Variants in PCDH15 observed in about 807,000 individuals in gnomAD.
PCDH15 encodes protocadherin related 15.
A neutral mutation model predicts 178.5 loss-of-function variants in PCDH15; 129 were observed. The observed-to-expected ratio is 0.72, with a 90% CI of 0.63 to 0.84. PCDH15 has a LOEUF of 0.84. Among genes scored for constraint, PCDH15 ranks in the 40% least tolerant of loss-of-function variants. The pLI, the probability that PCDH15 is intolerant of heterozygous loss-of-function variation, is 0.00. For missense variants in PCDH15, 2,230 were observed against 2,099.9 expected, an observed-to-expected ratio of 1.06 and a Z score of -1.21; for synonymous variants, 800 against 732.0, an observed-to-expected ratio of 1.09 and a Z score of -1.50.
At chr10:55,370,705 A>C (rs1845486126) in intron 2 of PCDH15, among the ~76,000 whole-genome samples, 1 of 152,112 alleles carries the variant, frequency 6.6e-6, no homozygotes, top group Admixed American at 6.6e-5. Context: ...TCTTTAAAGT[A>C]AATCAGAAGT....
intron 2 of PCDH15, among the ~76,000 whole-genome samples, chr10:55,398,917 A>G (rs1382242897): frequency 6.6e-6 from 1 of 152,184 alleles, no homozygotes; most frequent in Non-Finnish European, 1.5e-5. Flanking sequence ...AAAAAGAGAA[A>G]GAACGCTCAC....
rs748350736 is a variant in PCDH15, at chr10:54,346,345, G to A, written c.594+20C>T. ...TTATTCCTTTTAAGAAAATTACATTGCAAATAGGTATTTACATACCGGATC... is the reference window on the plus strand; with the variant it reads ...TTATTCCTTTTAAGAAAATTACATTACAAATAGGTATTTACATACCGGATC... On this transcript the variant is annotated intron_variant, in intron 6 of 37. Transcript: ENST00000644397. 2.5e-6 allele frequency: 4 copies of A among 1,608,876 alleles called. No homozygotes were observed. The East Asian group carries it at 8.9e-5, about 36-fold the overall frequency.
intron 1 of PCDH15, among the ~76,000 whole-genome samples, chr10:54,790,167 A>T (rs1279650831): frequency 1.3e-5 from 2 of 151,796 alleles, no homozygotes; most frequent in African/African-American, 2.4e-5. Context: ...CCAGACTTTT[A>T]AGTCAAAGAA....
At chr10:54,305,206 C>A (rs2060389617) in intron 8 of PCDH15, among the ~76,000 whole-genome samples, 1 of 151,924 alleles carries the variant, frequency 6.6e-6, no homozygotes, top group South Asian at 2.1e-4. Context: ...ATTAGCATGT[C>A]CTTCATTATT....
intron 2 of PCDH15, among the ~76,000 whole-genome samples, chr10:55,467,654 G>A (rs1387225731): frequency 6.6e-6 from 1 of 151,900 alleles, no homozygotes; most frequent in Non-Finnish European, 1.5e-5. Flanking sequence ...CAGAAAAAGA[G>A]CAACAAGTTT....
At chr10:55,289,232 A>G (rs1842949295) in intron 1 of PCDH15, among the ~76,000 whole-genome samples, 1 of 152,100 alleles carries the variant, frequency 6.6e-6, no homozygotes, top group Non-Finnish European at 1.5e-5. Context: ...TTGTTTTAAC[A>G]AAACCAGGAA....
intron 26 of PCDH15, among the ~76,000 whole-genome samples, chr10:53,900,098 C>T (rs911846927): frequency 6.6e-6 from 1 of 152,136 alleles, no homozygotes; most frequent in African/African-American, 2.4e-5. Context: ...CATTCACCAA[C>T]TGAAATGTTT....
intron 2 of PCDH15, among the ~76,000 whole-genome samples, chr10:54,955,090 T>G (rs1411642746): frequency 6.6e-6 from 1 of 151,176 alleles, no homozygotes; most frequent in African/African-American, 2.4e-5. Flanking sequence ...AGTGAATTGT[T>G]TTTTGCATTA....
chr10:55,535,233 A>C (rs1159580196), intron 2 of PCDH15, among the ~76,000 whole-genome samples: 9 of 152,130 alleles, frequency 5.9e-5, no homozygotes, highest in Non-Finnish European at 5.9e-5. Flanking sequence ...AAGAAAATAC[A>C]CATGTGAAAT....
intron 14 of PCDH15, among the ~76,000 whole-genome samples, chr10:54,143,545 AAT>A (rs1457694054): frequency 2.6e-5 from 4 of 152,284 alleles, no homozygotes; most frequent in African/African-American, 9.6e-5. Context: ...CCAGGGCACT[AAT>A]TGAAAGGCTG....
At chr10:55,172,998 C>G (rs940536893) in intron 1 of PCDH15, among the ~76,000 whole-genome samples, 2 of 151,848 alleles carry the variant, frequency 1.3e-5, no homozygotes, top group Non-Finnish European at 2.9e-5. Context: ...AATCATATTG[C>G]AAAGATGAAT....
intron 1 of PCDH15, among the ~76,000 whole-genome samples, chr10:55,292,055 C>A (rs1035909027): frequency 1.3e-5 from 2 of 152,096 alleles, no homozygotes; most frequent in South Asian, 2.1e-4. Flanking sequence ...ATTATTCCCC[C>A]CTAGCCCCTT....
chr10:54,010,772 T>C (rs2092554824), intron 20 of PCDH15, among the ~76,000 whole-genome samples: 1 of 152,116 alleles, frequency 6.6e-6, no homozygotes, highest in Non-Finnish European at 1.5e-5. Context: ...AAGCCCAGTG[T>C]CTGTTTCCCG....
At chr10:55,328,111 T>A (rs556973086) in intron 2 of PCDH15, among the ~76,000 whole-genome samples, 1 of 152,126 alleles carries the variant, frequency 6.6e-6, no homozygotes, top group African/African-American at 2.4e-5. Flanking sequence ...GATATAACCA[T>A]CTTTCCCTTA....
At chr10:55,506,138 T>TG (rs1379361682) in intron 2 of PCDH15, 2 of 151,218 alleles carry the variant, frequency 1.3e-5, no homozygotes, top group African/African-American at 4.8e-5. Flanking sequence ...AGGTAGAAAA[T>TG]GAGTGTGGGG....
At chr10:54,252,572 C>G (rs141671166) in intron 8 of PCDH15, among the ~76,000 whole-genome samples, 2 of 152,080 alleles carry the variant, frequency 1.3e-5, no homozygotes, top group Non-Finnish European at 2.9e-5. Context: ...TATAGCAGTC[C>G]AGTCCAGAGG....
At chr10:53,820,687 T>C (rs1200545924) in intron 32 of PCDH15, among the ~76,000 whole-genome samples, 1 of 151,998 alleles carries the variant, frequency 6.6e-6, no homozygotes, top group African/African-American at 2.4e-5. Context: ...TACTTGATGG[T>C]CACATATTAT....
Position 54,437,470 on chromosome 10 carries a change from T to C in PCDH15, c.158-58528A>G, listed in dbSNP as rs1294761044. 3.3e-5 allele frequency among the ~76,000 whole-genome samples: 5 copies of C among 152,172 alleles called. No individual in the cohort carries two copies. In the South Asian group the frequency reaches 1.0e-3, roughly 31 times the overall value. ...ATCCTAGGCTATTAAATGTTATAAG[T>C]ATTAGTAGTAGCAGTATTGGTAGTA... On this transcript the variant is annotated intron_variant, in intron 3 of 37. Coordinates refer to ENST00000644397, the MANE Select transcript of PCDH15 (RefSeq NM_001384140.1).
intron 16 of PCDH15, among the ~76,000 whole-genome samples, chr10:54,084,355 C>T (rs2094483451): frequency 6.6e-6 from 1 of 151,796 alleles, no homozygotes; most frequent in South Asian, 2.1e-4. Flanking sequence ...TGCCTGTAGT[C>T]CCAGCTACTT....
Sources: allele counts gnomAD v4.1 joint callset (sites outside exome capture counted in the v4.1 genomes callset), GRCh38; gene constraint gnomAD v4.1.1; transcripts MANE v1.5; gene names NCBI Gene and HGNC (gene_info 2026-07-23, HGNC 2026-07-21).